ZNF362: variants seen among roughly 807,000 people sequenced by gnomAD.
ZNF362 encodes the protein zinc finger protein 362, also known as rotund homolog.
A neutral mutation model predicts 42.9 loss-of-function variants in ZNF362; 11 were observed. That is an observed-to-expected ratio of 0.26 (90% CI 0.16 to 0.42). ZNF362 has a LOEUF of 0.42. Ranked by LOEUF, ZNF362 falls within the 20% of genes least tolerant of loss-of-function variation. The probability of loss-of-function intolerance (pLI) is 1.00; values close to 1 mark genes in which losing one functional copy is unlikely to be tolerated. For missense variants in ZNF362, 362 were observed against 576.2 expected, an observed-to-expected ratio of 0.63 and a Z score of 3.81; for synonymous variants, 255 against 257.3, an observed-to-expected ratio of 0.99 and a Z score of 0.09.
At chr1:33,174,115 C>A in the ZNF362 span, among the ~76,000 whole-genome samples, 1 of 148,380 alleles carries the variant, frequency 6.7e-6, no homozygotes, top group Non-Finnish European at 1.5e-5. Flanking sequence ...TTCTTTTCCC[C>A]CCTTTCTTCT....
chr1:33,276,270 T>A, intron 3 of ZNF362, 78 bp from the exon 4 acceptor site: 1 of 1,564,002 alleles, frequency 6.4e-7, no homozygotes, highest in South Asian at 1.2e-5. Flanking sequence ...AGCGAGGGGC[T>A]CGCGGGTGGA....
At chr1:33,293,003 C>A (rs1157239700) in intron 6 of ZNF362, among the ~76,000 whole-genome samples, 2 of 152,180 alleles carry the variant, frequency 1.3e-5, no homozygotes, top group African/African-American at 4.8e-5. Flanking sequence ...AAGGCCAGAC[C>A]CCAGGCCTTG....
chr1:33,270,003 C>T (rs1489082154), intron 1 of ZNF362, among the ~76,000 whole-genome samples: 1 of 152,202 alleles, frequency 6.6e-6, no homozygotes, highest in East Asian at 1.9e-4. Context: ...GTTTCAAGTT[C>T]AGACTCAGCT....
chr1:33,224,132 G>GA, the ZNF362 span, among the ~76,000 whole-genome samples: 3 of 151,640 alleles, frequency 2.0e-5, no homozygotes, highest in Non-Finnish European at 2.9e-5. Context: ...AACATCAAGA[G>GA]AAAAAAAATC....
chr1:33,251,507 T>A (rs1438142818), upstream of ZNF362, among the ~76,000 whole-genome samples: 3 of 152,102 alleles, frequency 2.0e-5, no homozygotes, highest in Non-Finnish European at 4.4e-5. Flanking sequence ...CATTCTCTCC[T>A]CAGCAACCAC....
At chr1:33,157,254 G>A in the ZNF362 span, among the ~76,000 whole-genome samples, 16 of 152,158 alleles carry the variant, frequency 1.1e-4, no homozygotes, top group East Asian at 1.4e-3. Flanking sequence ...CTCCAGCCAC[G>A]TTAACCTCCT....
At chr1:33,254,152 G>A (rs573735388), upstream of ZNF362, among the ~76,000 whole-genome samples, 3 of 147,452 alleles carry the variant, frequency 2.0e-5, no homozygotes, top group Admixed American at 2.0e-4. Context: ...TTGAGACAGA[G>A]TTTCACTCTT....
the ZNF362 span, among the ~76,000 whole-genome samples, chr1:33,215,792 A>G: frequency 6.6e-6 from 1 of 152,054 alleles, no homozygotes; most frequent in African/African-American, 2.4e-5. Context: ...GCACACATAT[A>G]TAGGAATATG....
At chr1:33,179,476 G>C in the ZNF362 span, among the ~76,000 whole-genome samples, 2 of 152,210 alleles carry the variant, frequency 1.3e-5, no homozygotes, top group Admixed American at 6.5e-5. Context: ...TTTAGTTTCT[G>C]TTTGAGTATC....
In ZNF362 at chr1:33,281,738, G is replaced by A. The variant is rs749164414; in HGVS notation, c.835G>A (p.Gly279Ser). The A allele has an allele frequency of 6.2e-7, 1 of 1,614,200 alleles. No individual in the cohort carries two copies. Among genetic ancestry groups the A allele is most frequent in the Non-Finnish European group, 8.5e-7 (1 of 1,180,034 alleles). The change falls in exon 6 of 9, where the codon GGC (glycine) becomes AGC (serine). Residue 279 changes from glycine (G) to serine (S), a missense_variant. Around this residue, in one of 3 missense-constraint regions of ZNF362, gnomAD observed 28 missense variants for 103.4 expected, o/e 0.27. Coordinates refer to ENST00000539719, the MANE Select transcript of ZNF362 (RefSeq NM_152493.3). The surrounding 1 kb of genome is among the most constrained non-coding windows in gnomAD (Gnocchi z 4.8). ...YLAQHLRIHLGVKPYHCSYCD... is the reference protein window; with the variant it reads ...YLAQHLRIHLSVKPYHCSYCD... ...GGCCCAGCACCTGCGCATCCACCTG[G>A]GCGTCAAGCCCTACCACTGCTCCTA...
chr1:33,274,846 A>C lies in ZNF362; in HGVS notation c.39-1254A>C, dbSNP rs542283813. On this transcript the variant is annotated intron_variant, in intron 2 of 8. Coordinates refer to ENST00000539719, the MANE Select transcript of ZNF362 (RefSeq NM_152493.3). ...CCTCTCTCTGAGCCTCAGTTTCTTC[A>C]CTGATAAAATGGTATAATAATACCT... 6 of 714,340 alleles carry C rather than the reference A, an allele frequency of 8.4e-6. No individual in the cohort carries two copies. The African/African-American group carries it at 1.2e-4, about 14-fold the overall frequency. The allele number at this position is 714,340 out of a possible 1,614,324, so 44.3% of individuals were successfully genotyped here.
Position 33,294,805 on chromosome 1 carries a change from C to CA in ZNF362, c.909-131dup. On this transcript the variant is annotated intron_variant, in intron 6 of 8. Coordinates refer to ENST00000539719, the MANE Select transcript of ZNF362 (RefSeq NM_152493.3). The surrounding 1 kb of genome is among the most constrained non-coding windows in gnomAD (Gnocchi z 4.2). Reference sequence around the variant, plus strand: ...GAAGTCCCCAGCTCTTGCCTGGGCTCACTCTTGGTCCTTGGGGAGCATGGG... The same window carrying CA: ...GAAGTCCCCAGCTCTTGCCTGGGCTCAACTCTTGGTCCTTGGGGAGCATGGG... 1.1e-6 allele frequency: 1 copy of CA among 931,330 alleles called. No homozygotes were observed. Among genetic ancestry groups the CA allele is most frequent in the Non-Finnish European group, 1.7e-6 (1 of 600,010 alleles). The allele number at this position is 931,330 out of a possible 1,614,324, so 57.7% of individuals were successfully genotyped here.
At chr1:33,179,724 A>G in the ZNF362 span, among the ~76,000 whole-genome samples, 1 of 152,190 alleles carries the variant, frequency 6.6e-6, no homozygotes, top group African/African-American at 2.4e-5. Flanking sequence ...TTGGAGAACT[A>G]CGTGCTCGAC....
the ZNF362 span, among the ~76,000 whole-genome samples, chr1:33,160,685 G>A: frequency 2.0e-5 from 3 of 152,152 alleles, no homozygotes; most frequent in Non-Finnish European, 2.9e-5. Flanking sequence ...GATTACAGGC[G>A]TGAGCCATCG....
At chr1:33,269,294 A>G (rs1306218564) in intron 1 of ZNF362, among the ~76,000 whole-genome samples, 1 of 152,218 alleles carries the variant, frequency 6.6e-6, no homozygotes, top group Non-Finnish European at 1.5e-5. Flanking sequence ...TTCATTAAGC[A>G]GCTGAACAGC....
the ZNF362 span, among the ~76,000 whole-genome samples, chr1:33,216,559 C>A: frequency 7.9e-6 from 1 of 126,604 alleles, no homozygotes. Context: ...GAGATTGTGC[C>A]ATTGCACTCC....
the ZNF362 span, among the ~76,000 whole-genome samples, chr1:33,211,707 G>A: frequency 6.6e-6 from 1 of 152,048 alleles, no homozygotes; most frequent in Admixed American, 6.5e-5. Context: ...TGACATTTAT[G>A]TGTCTCGGGG....
At chr1:33,132,875 A>G in the ZNF362 span, among the ~76,000 whole-genome samples, 25 of 152,244 alleles carry the variant, frequency 1.6e-4, no homozygotes, top group African/African-American at 5.5e-4. Flanking sequence ...TAGCGGCATG[A>G]GAGGCACCTC....
At chr1:33,204,916 G>T in the ZNF362 span, among the ~76,000 whole-genome samples, 4 of 152,096 alleles carry the variant, frequency 2.6e-5, no homozygotes, top group Non-Finnish European at 5.9e-5. Context: ...TTTTATAATA[G>T]CCTTAAAATA....
Sources: gnomAD v4.1 joint callset for allele counts (sites outside exome capture counted in the v4.1 genomes callset) on GRCh38, gnomAD v4.1.1 for gene constraint, gnomAD v4.1.1 regional missense constraint, Gnocchi (gnomAD v3.1) non-coding constraint, MANE v1.5 for transcripts, NCBI Gene and HGNC (gene_info 2026-07-23, HGNC 2026-07-21) for gene names.